Variants in KIAA0825 observed in about 807,000 individuals in gnomAD.
KIAA0825 encodes the protein uncharacterized protein KIAA0825.
Under a neutral mutation model 147.6 loss-of-function variants are expected in KIAA0825, and 119 were observed. That is an observed-to-expected ratio of 0.81 (90% confidence interval 0.69 to 0.94). The LOEUF (loss-of-function observed/expected upper bound fraction) is 0.94. Ranked by LOEUF, KIAA0825 falls within the 40% of genes least tolerant of loss-of-function variation. The probability of loss-of-function intolerance (pLI) is 0.00; values close to 1 mark genes in which losing one functional copy is unlikely to be tolerated. For missense variants in KIAA0825, 1,381 were observed against 1,472.7 expected, an observed-to-expected ratio of 0.94 and a Z score of 1.02; for synonymous variants, 470 against 518.1, an observed-to-expected ratio of 0.91 and a Z score of 1.26.
At chr5:94,313,100 A>G (rs909638935) in intron 20 of KIAA0825, among the ~76,000 whole-genome samples, 8 of 151,686 alleles carry the variant, frequency 5.3e-5, no homozygotes, top group Admixed American at 2.0e-4. Flanking sequence ...AAATTTTGGA[A>G]CAAATGGCTT....
At chr5:94,610,436 AAAAAG>A (rs1788493211) in intron 1 of KIAA0825, among the ~76,000 whole-genome samples, 4 of 148,828 alleles carry the variant, frequency 2.7e-5, no homozygotes, top group African/African-American at 2.5e-5. Flanking sequence ...CAAAAAAAAA[AAAAAG>A]AAAAAGAAAA....
In KIAA0825 at chr5:94,520,846, G is replaced by T; in HGVS notation, c.372C>A (p.His124Gln). 10 of 1,612,674 alleles carry T rather than the reference G, an allele frequency of 6.2e-6. No homozygotes were observed. The highest frequency in any genetic ancestry group is 8.5e-6 in the Non-Finnish European group (10 of 1,179,214). The change falls in exon 5 of 21, where the codon CAC becomes CAA. Residue 124 changes from histidine (H) to glutamine (Q), a missense_variant. His to Gln is a conservative substitution (Grantham distance 24). Coordinates refer to ENST00000682413, the MANE Select transcript of KIAA0825 (RefSeq NM_001145678.3). The stretch of plus-strand genomic sequence containing the variant: ...GGGTTGATGGGAATGAAACGCTGCT[G>T]TGGCAGGAGAGGTCCCAAAGTAAAT... Reference protein sequence around the residue: ...TLDLLWDLSCHSSVSFPSTLS... With the variant: ...TLDLLWDLSCQSSVSFPSTLS...
chr5:94,512,635 C>A (rs1281148816), intron 5 of KIAA0825, among the ~76,000 whole-genome samples: 1 of 149,008 alleles, frequency 6.7e-6, no homozygotes, highest in Non-Finnish European at 1.5e-5. Context: ...GTGGCTCATG[C>A]GTAATCCCAG....
At chr5:94,173,154 G>A (rs1306368164) in intron 20 of KIAA0825, among the ~76,000 whole-genome samples, 1 of 150,600 alleles carries the variant, frequency 6.6e-6, no homozygotes, top group Non-Finnish European at 1.5e-5. Flanking sequence ...TGTTACCAGG[G>A]CAAATACCAT....
At chr5:94,213,779 T>C (rs572923401) in intron 20 of KIAA0825, among the ~76,000 whole-genome samples, 21 of 152,176 alleles carry the variant, frequency 1.4e-4, no homozygotes, top group Non-Finnish European at 2.9e-4. Flanking sequence ...CCAACTCCTA[T>C]TAAGATGTCA....
intron 20 of KIAA0825, among the ~76,000 whole-genome samples, chr5:94,306,787 T>C (rs943097029): frequency 2.0e-5 from 3 of 151,850 alleles, no homozygotes; most frequent in Non-Finnish European, 4.4e-5. Context: ...GCAGCCCTCA[T>C]TTCTTTCCGT....
At chr5:94,323,107 C>T (rs754406444) in intron 20 of KIAA0825, among the ~76,000 whole-genome samples, 5 of 151,972 alleles carry the variant, frequency 3.3e-5, no homozygotes, top group African/African-American at 4.8e-5. Flanking sequence ...TTCGAACACA[C>T]GTTGTGTGCG....
intron 20 of KIAA0825, among the ~76,000 whole-genome samples, chr5:94,321,374 G>A (rs963795063): frequency 2.0e-5 from 3 of 151,880 alleles, no homozygotes; most frequent in African/African-American, 4.8e-5. Context: ...TCTATAAAGT[G>A]ATTACTTTGG....
intron 20 of KIAA0825, among the ~76,000 whole-genome samples, chr5:94,304,520 C>G (rs889860295): frequency 6.6e-6 from 1 of 151,998 alleles, no homozygotes; most frequent in African/African-American, 2.4e-5. Flanking sequence ...CTCGCCGAAT[C>G]TCATTTAACT....
chr5:94,572,923 T>G (rs1450202027), intron 2 of KIAA0825, among the ~76,000 whole-genome samples: 1 of 152,052 alleles, frequency 6.6e-6, no homozygotes, highest in Non-Finnish European at 1.5e-5. Flanking sequence ...CTGTAAAACA[T>G]TTGAAGAGAT....
At chr5:94,363,754 G>A (rs1220973581) in intron 20 of KIAA0825, among the ~76,000 whole-genome samples, 1 of 151,930 alleles carries the variant, frequency 6.6e-6, no homozygotes, top group East Asian at 1.9e-4. Flanking sequence ...TGTAGTTACA[G>A]CTATTCAGGA....
intron 2 of KIAA0825, among the ~76,000 whole-genome samples, chr5:94,537,980 T>C (rs1772432781): frequency 6.6e-6 from 1 of 152,176 alleles, no homozygotes; most frequent in Non-Finnish European, 1.5e-5. Context: ...GATATGATAC[T>C]CCTTCTTGAG....
At chr5:94,265,725 C>T (rs957336562) in intron 20 of KIAA0825, among the ~76,000 whole-genome samples, 26 of 152,144 alleles carry the variant, frequency 1.7e-4, no homozygotes, top group African/African-American at 5.3e-4. Flanking sequence ...TGCTTGAACC[C>T]GGGAGGCGGA....
intron 20 of KIAA0825, among the ~76,000 whole-genome samples, chr5:94,210,178 G>A (rs889004044): frequency 3.3e-5 from 5 of 152,096 alleles, no homozygotes; most frequent in African/African-American, 7.2e-5. Flanking sequence ...GTAAAAACAC[G>A]TAGGGAAGGC....
intron 5 of KIAA0825, among the ~76,000 whole-genome samples, chr5:94,509,009 C>A (rs1766119032): frequency 6.6e-6 from 1 of 152,202 alleles, no homozygotes; most frequent in South Asian, 2.1e-4. Flanking sequence ...GCTGGCTATA[C>A]ACAGCTGCCT....
intron 14 of KIAA0825, among the ~76,000 whole-genome samples, chr5:94,417,776 T>C (rs1348003937): frequency 6.6e-6 from 1 of 152,174 alleles, no homozygotes; most frequent in East Asian, 1.9e-4. Context: ...AATACTAACA[T>C]TGTACCATGG....
At chr5:94,492,310 T>G (rs1393000116) in intron 5 of KIAA0825, among the ~76,000 whole-genome samples, 2 of 152,230 alleles carry the variant, frequency 1.3e-5, no homozygotes, top group Non-Finnish European at 2.9e-5. Flanking sequence ...TCTTTATGTC[T>G]CAATGGTATA....
intron 20 of KIAA0825, among the ~76,000 whole-genome samples, chr5:94,176,742 G>A (rs191755805): frequency 6.6e-6 from 1 of 152,114 alleles, no homozygotes; most frequent in African/African-American, 2.4e-5. Context: ...ATGACCCAAT[G>A]GAATAAACAC....
chr5:94,485,255 C>A (rs1762914992), intron 5 of KIAA0825, among the ~76,000 whole-genome samples: 1 of 151,066 alleles, frequency 6.6e-6, no homozygotes, highest in Admixed American at 6.6e-5. Flanking sequence ...TAACTTAAAT[C>A]TAATGACAAG....
Sources: gnomAD v4.1 joint callset for allele counts (sites outside exome capture counted in the v4.1 genomes callset) on GRCh38, gnomAD v4.1.1 for gene constraint, MANE v1.5 for transcripts, NCBI Gene and HGNC (gene_info 2026-07-23, HGNC 2026-07-21) for gene names.